The following DPP10 variants were observed in gnomAD, a reference collection of about 807,000 sequenced individuals.
The protein encoded by DPP10 is inactive dipeptidyl peptidase 10.
DPP10 carries 33 observed loss-of-function variants against 120.9 expected under a neutral mutation model. The observed-to-expected ratio is 0.27, with a 90% CI of 0.21 to 0.37. The LOEUF is 0.37. Among genes scored for constraint, DPP10 ranks in the 10% least tolerant of loss-of-function variants. The pLI, the probability that DPP10 is intolerant of heterozygous loss-of-function variation, is 1.00. For synonymous variants in DPP10, 337 were observed against 326.1 expected (o/e 1.03, Z -0.36); for missense variants, 816 against 942.8 (o/e 0.87, Z 1.76).
At position 115,019,014 on chromosome 2, in the gene DPP10, C is replaced by T. The variant is rs533428860; in HGVS notation, c.61-290225C>T. Among the ~76,000 whole-genome samples the T allele has an allele frequency of 4.6e-5, 7 of 151,898 alleles. No individual in the cohort carries two copies. In the South Asian group the frequency reaches 1.3e-3, roughly 27 times the overall value. On this transcript the variant is annotated intron_variant, in intron 1 of 25. Transcript: ENST00000410059. ...TGCAGCAGGACCCAGTCACCATCAC[C>T]GCACCCATCAGCAGGGCAGAGACCC...
intron 7 of DPP10, among the ~76,000 whole-genome samples, chr2:115,724,336 G>C (rs2092716720): frequency 6.6e-6 from 1 of 152,132 alleles, no homozygotes; most frequent in South Asian, 2.1e-4. Flanking sequence ...TGGTAGTTGT[G>C]GCAGAAGAGA....
intron 1 of DPP10, among the ~76,000 whole-genome samples, chr2:114,643,551 T>C (rs1490733787): frequency 6.6e-6 from 1 of 151,848 alleles, no homozygotes; most frequent in Non-Finnish European, 1.5e-5. Context: ...CCATCTCAAG[T>C]CCTCCTTTAA....
At chr2:114,919,406 T>C (rs1204867571) in intron 1 of DPP10, among the ~76,000 whole-genome samples, 4 of 152,220 alleles carry the variant, frequency 2.6e-5, no homozygotes, top group Non-Finnish European at 5.9e-5. Flanking sequence ...TGAAAGAAGA[T>C]AAGAATTCCA....
In DPP10 at chr2:115,378,948, G is replaced by T. The variant is rs181638080; in HGVS notation, c.271+35036G>T. On this transcript the variant is annotated intron_variant, in intron 3 of 25. Transcript: ENST00000410059. ...GCTTTTTGATGTGCTGCTGGATTTGGTTTGCCACTATTTTATTGAGGATTT... is the reference window on the plus strand; with the variant it reads ...GCTTTTTGATGTGCTGCTGGATTTGTTTTGCCACTATTTTATTGAGGATTT... Among the ~76,000 whole-genome samples the T allele has an allele frequency of 5.3e-3, 814 of 152,262 alleles. 8 individuals are homozygous for T. Among genetic ancestry groups the T allele is most frequent in the African/African-American group, 0.019 (769 of 41,542 alleles).
chr2:115,709,517 T>C (rs1417826745), intron 7 of DPP10, among the ~76,000 whole-genome samples: 1 of 151,920 alleles, frequency 6.6e-6, no homozygotes, highest in African/African-American at 2.4e-5. Context: ...CTTAAATCTA[T>C]TGATATATTT....
chr2:115,697,116 A>C (rs1240278790), intron 7 of DPP10, among the ~76,000 whole-genome samples: 1 of 152,162 alleles, frequency 6.6e-6, no homozygotes, highest in Non-Finnish European at 1.5e-5. Context: ...GAATTAAAAC[A>C]TTCTACTATT....
At chr2:114,791,319 A>G (rs979084963) in intron 1 of DPP10, among the ~76,000 whole-genome samples, 2 of 152,182 alleles carry the variant, frequency 1.3e-5, no homozygotes, top group Non-Finnish European at 2.9e-5. Context: ...TGCTTTGCCC[A>G]CTGAACTAGC....
At chr2:115,355,314 ATGT>A in intron 3 of DPP10, among the ~76,000 whole-genome samples, 1 of 151,918 alleles carries the variant, frequency 6.6e-6, no homozygotes, top group East Asian at 1.9e-4. Flanking sequence ...ATGATCAGTA[ATGT>A]TGACCTTTTT....
chr2:115,609,682 G>T (rs151118227), intron 5 of DPP10, among the ~76,000 whole-genome samples: 1 of 152,028 alleles, frequency 6.6e-6, no homozygotes, highest in East Asian at 1.9e-4. Flanking sequence ...GGATAAATTC[G>T]TTGTCATTAC....
chr2:114,733,144 A>C (rs529495961), intron 1 of DPP10, among the ~76,000 whole-genome samples: 1 of 152,312 alleles, frequency 6.6e-6, no homozygotes, highest in South Asian at 2.1e-4. Flanking sequence ...TGGTAAGAAG[A>C]AGTCTTAAGT....
intron 3 of DPP10, among the ~76,000 whole-genome samples, chr2:115,436,428 G>C (rs1217328864): frequency 6.6e-6 from 1 of 151,358 alleles, no homozygotes; most frequent in African/African-American, 2.4e-5. Flanking sequence ...AGGTATTAAA[G>C]ACAACTGAGA....
chr2:114,959,800 C>T (rs945265462), intron 1 of DPP10, among the ~76,000 whole-genome samples: 21 of 152,098 alleles, frequency 1.4e-4, no homozygotes, highest in African/African-American at 4.6e-4. Flanking sequence ...GGTTTTGGTT[C>T]GCAGTTTTCT....
chr2:115,521,607 T>TTA (rs1395388519), intron 4 of DPP10, among the ~76,000 whole-genome samples: 3 of 148,160 alleles, frequency 2.0e-5, no homozygotes, highest in Admixed American at 2.0e-4. Flanking sequence ...TAATCCTTAT[T>TTA]TTTTTTTTTT....
At chr2:114,990,011 T>G (rs1700665340) in intron 1 of DPP10, among the ~76,000 whole-genome samples, 1 of 152,204 alleles carries the variant, frequency 6.6e-6, no homozygotes, top group Admixed American at 6.5e-5. Flanking sequence ...ATTACATTAG[T>G]GATGTGTTTT....
At chr2:115,199,279 A>G (rs1215234956) in intron 1 of DPP10, among the ~76,000 whole-genome samples, 3 of 151,150 alleles carry the variant, frequency 2.0e-5, no homozygotes, top group Non-Finnish European at 3.0e-5. Context: ...ATTTGTGTGC[A>G]TATTATGTAT....
At chr2:114,887,906 G>A (rs1209649136) in intron 1 of DPP10, among the ~76,000 whole-genome samples, 3 of 152,128 alleles carry the variant, frequency 2.0e-5, no homozygotes, top group Non-Finnish European at 4.4e-5. Context: ...TTGGGAGGCT[G>A]AGGCGGGTGG....
chr2:115,403,459 G>A (rs986159149), intron 3 of DPP10, among the ~76,000 whole-genome samples: 1 of 128,152 alleles, frequency 7.8e-6, no homozygotes, highest in Non-Finnish European at 1.6e-5. Context: ...GAATTCAGTG[G>A]CATAATCTCA....
rs3029135 is a variant in DPP10 at position 114,602,315 on chromosome 2, A to ATG, written c.60+159496_60+159497dup. Among the ~76,000 whole-genome samples the ATG allele has an allele frequency of 1.7e-3, 252 of 149,098 alleles. 1 individual carries two copies. Among genetic ancestry groups the ATG allele is most frequent in the South Asian group, 4.7e-3 (22 of 4,722 alleles). ...CTATTCCTGTATGTAATACTTGTTA[A>ATG]TGTGTGTGTGTGTGTGTGTGCATGT... is the stretch of plus-strand genomic sequence containing the variant. On this transcript the variant is annotated intron_variant, in intron 1 of 25. Transcript: ENST00000410059.
intron 5 of DPP10, among the ~76,000 whole-genome samples, chr2:115,536,727 G>A (rs1575121928): frequency 6.6e-6 from 1 of 152,010 alleles, no homozygotes; most frequent in Non-Finnish European, 1.5e-5. Flanking sequence ...TTATGGATAG[G>A]AGAATCTGTG....
Sources: allele counts gnomAD v4.1 joint callset (sites outside exome capture counted in the v4.1 genomes callset), GRCh38; gene constraint gnomAD v4.1.1; transcripts MANE v1.5; gene names NCBI Gene and HGNC (gene_info 2026-07-23, HGNC 2026-07-21).